Variants in RBFOX3 observed in about 807,000 individuals in gnomAD.
The protein encoded by RBFOX3 is RNA binding fox-1 homolog 3.
Under a neutral mutation model 48.7 loss-of-function variants are expected in RBFOX3, and 17 were observed. The ratio of observed to expected loss-of-function variants is 0.35; its 90% CI spans 0.24 to 0.52. The LOEUF (loss-of-function observed/expected upper bound fraction) is 0.52, where lower values mean the gene tolerates loss of function less well. Among genes scored for constraint, RBFOX3 ranks in the 20% least tolerant of loss-of-function variants. The pLI, the probability that RBFOX3 is intolerant of heterozygous loss-of-function variation, is 0.94. For missense variants in RBFOX3, 382 were observed against 497.5 expected (o/e 0.77, Z 2.21); for synonymous variants, 212 against 209.5 (o/e 1.01, Z -0.10).
chr17:79,163,368 A>G (rs11649809), intron 4 of RBFOX3, among the ~76,000 whole-genome samples: 145,813 of 152,300 alleles, frequency 0.96, 69,873 homozygotes, highest in East Asian at 1. Flanking sequence ...GCCTTTGGAG[A>G]AACTGAGAGA....
intron 4 of RBFOX3, among the ~76,000 whole-genome samples, chr17:79,176,506 C>T (rs145264461): frequency 2.0e-5 from 3 of 152,374 alleles, no homozygotes; most frequent in Middle Eastern, 3.4e-3. Context: ...CTCGCTGCCC[C>T]GGAGGGACTG....
chr17:79,322,694 G>A (rs1433536266), intron 2 of RBFOX3, among the ~76,000 whole-genome samples: 2 of 152,188 alleles, frequency 1.3e-5, no homozygotes, highest in Non-Finnish European at 2.9e-5. Context: ...GACGGACCAA[G>A]CAGCTTCTAG....
At chr17:79,358,025 T>A (rs1045085396) in intron 2 of RBFOX3, among the ~76,000 whole-genome samples, 1 of 152,028 alleles carries the variant, frequency 6.6e-6, no homozygotes, top group African/African-American at 2.4e-5. Flanking sequence ...TAGCTCATCA[T>A]AACCCTGGGC....
the RBFOX3 span, among the ~76,000 whole-genome samples, chr17:79,646,704 C>T: frequency 1.3e-5 from 2 of 152,132 alleles, no homozygotes; most frequent in Non-Finnish European, 2.9e-5. Flanking sequence ...AACCATATCA[C>T]CCATATCACA....
At chr17:79,153,989 G>A (rs556618280) in intron 4 of RBFOX3, among the ~76,000 whole-genome samples, 14 of 152,272 alleles carry the variant, frequency 9.2e-5, no homozygotes, top group African/African-American at 3.1e-4. Flanking sequence ...GGCAGCCAGG[G>A]AGATGGTTAA....
Position 79,578,224 on chromosome 17 carries a change from C to T in RBFOX3, c.-320+32602G>A, listed in dbSNP as rs1000182709. 5.3e-5 allele frequency among the ~76,000 whole-genome samples: 8 copies of T among 152,366 alleles called. No individual in the cohort carries two copies. The South Asian group carries it at 6.2e-4, about 12-fold the overall frequency. ...CGATGCCGGGAGCAACCACAAAGCC[C>T]GGGGAAATCAGGAGCTTTGCAACAA... is the stretch of plus-strand genomic sequence containing the variant. On this transcript the variant is annotated intron_variant, in intron 1 of 14. Coordinates refer to ENST00000693108, the MANE Select transcript of RBFOX3 (RefSeq NM_001350451.2).
intron 2 of RBFOX3, among the ~76,000 whole-genome samples, chr17:79,388,111 T>C (rs2060833775): frequency 6.6e-6 from 1 of 152,204 alleles, no homozygotes; most frequent in Admixed American, 6.5e-5. Context: ...GACATGTATA[T>C]GTGCATGTGT....
intron 2 of RBFOX3, among the ~76,000 whole-genome samples, chr17:79,422,086 C>G (rs971764479): frequency 2.6e-5 from 4 of 151,928 alleles, no homozygotes; most frequent in Non-Finnish European, 5.9e-5. Context: ...CTGAGAGAGG[C>G]GGGACTTGGA....
At chr17:79,308,957 A>G (rs1166598156) in intron 2 of RBFOX3, among the ~76,000 whole-genome samples, 3 of 152,066 alleles carry the variant, frequency 2.0e-5, no homozygotes, top group East Asian at 1.9e-4. Flanking sequence ...CATCTCTACT[A>G]AAAATACAAA....
intron 4 of RBFOX3, 136 bp downstream of exon 4, chr17:79,235,630 C>T (rs561473487): frequency 8.5e-5 from 13 of 153,644 alleles, no homozygotes; most frequent in African/African-American, 1.9e-4. Context: ...CCCTCCACAG[C>T]CCCCAAACTC....
At chr17:79,579,184 C>T (rs1220734746) in intron 1 of RBFOX3, among the ~76,000 whole-genome samples, 1 of 152,208 alleles carries the variant, frequency 6.6e-6, no homozygotes, top group African/African-American at 2.4e-5. Flanking sequence ...CTGGTCCTGC[C>T]CTGTGGGGAG....
intron 2 of RBFOX3, among the ~76,000 whole-genome samples, chr17:79,455,829 C>G (rs1555744560): frequency 6.6e-6 from 1 of 152,210 alleles, no homozygotes; most frequent in African/African-American, 2.4e-5. Context: ...ACCCTTGACA[C>G]CTGCAGCGGC....
At chr17:79,408,198 G>A (rs574647657) in intron 2 of RBFOX3, among the ~76,000 whole-genome samples, 1 of 152,240 alleles carries the variant, frequency 6.6e-6, no homozygotes, top group Admixed American at 6.5e-5. Context: ...AGAACACCCG[G>A]CCCAGACACA....
chr17:79,234,581 A>T (rs2147856086), intron 4 of RBFOX3: 1 of 152,304 alleles, frequency 6.6e-6, no homozygotes, highest in South Asian at 2.1e-4. Context: ...AGGCCACCTG[A>T]GGGCCGATGG....
chr17:79,273,541 TG>T (rs2143858457), intron 3 of RBFOX3, among the ~76,000 whole-genome samples: 1 of 112,882 alleles, frequency 8.9e-6, no homozygotes, highest in African/African-American at 3.3e-5. Context: ...AGGCTTAGCT[TG>T]GCAGGCTATA....
At chr17:79,286,765 A>T (rs1027352590) in intron 3 of RBFOX3, among the ~76,000 whole-genome samples, 3 of 152,196 alleles carry the variant, frequency 2.0e-5, no homozygotes, top group Non-Finnish European at 4.4e-5. Context: ...GCGTTAACAT[A>T]GAAGCTGGAG....
intron 2 of RBFOX3, among the ~76,000 whole-genome samples, chr17:79,344,917 C>T (rs1331923141): frequency 6.6e-6 from 1 of 152,202 alleles, no homozygotes; most frequent in East Asian, 1.9e-4. Context: ...TCAAAACTCT[C>T]TTATCAAGGT....
chr17:79,463,113 C>T (rs2075639922), intron 2 of RBFOX3, among the ~76,000 whole-genome samples: 1 of 150,776 alleles, frequency 6.6e-6, no homozygotes, highest in Admixed American at 6.6e-5. Flanking sequence ...ACCGCCATCG[C>T]CACTGCCATC....
intron 2 of RBFOX3, among the ~76,000 whole-genome samples, chr17:79,395,315 G>A (rs909004396): frequency 6.6e-6 from 1 of 152,236 alleles, no homozygotes; most frequent in East Asian, 1.9e-4. Flanking sequence ...CCTAAGGGAT[G>A]GGGCATTCCA....
Sources: allele counts gnomAD v4.1 joint callset (sites outside exome capture counted in the v4.1 genomes callset), GRCh38; gene constraint gnomAD v4.1.1; transcripts MANE v1.5; gene names NCBI Gene and HGNC (gene_info 2026-07-23, HGNC 2026-07-21).